The following MLPH variants were observed in gnomAD, a reference collection of about 807,000 sequenced individuals.
MLPH encodes the protein melanophilin.
A neutral mutation model predicts 72.1 loss-of-function variants in MLPH; 51 were observed. The ratio of observed to expected loss-of-function variants is 0.71; its 90% CI spans 0.56 to 0.89. The LOEUF is 0.89. Among genes scored for constraint, MLPH ranks in the 40% least tolerant of loss-of-function variants. The pLI is 0.00. For synonymous variants in MLPH, 301 were observed against 310.1 expected (o/e 0.97, Z 0.31); for missense variants, 743 against 759.9 (o/e 0.98, Z 0.26).
At chr2:237,494,182 G>GT (rs1184990145) in intron 2 of MLPH, among the ~76,000 whole-genome samples, 1 of 152,160 alleles carries the variant, frequency 6.6e-6, no homozygotes, top group African/African-American at 2.4e-5. Context: ...CCCGGCGAAG[G>GT]GGGGGGCAGA....
chr2:237,495,638 G>C (rs2079519664), intron 2 of MLPH, among the ~76,000 whole-genome samples: 1 of 152,142 alleles, frequency 6.6e-6, no homozygotes, highest in South Asian at 2.1e-4. Context: ...GGTGGGGAGG[G>C]GCCGGCGTCA....
In MLPH at chr2:237,519,895, C is replaced by T. The variant is rs755130445; in HGVS notation, c.556-15C>T. The T allele has an allele frequency of 6.8e-6, 11 of 1,613,746 alleles. No individual in the cohort carries two copies. In the South Asian group the frequency reaches 1.1e-4, roughly 16 times the overall value. Reference sequence around the variant, plus strand: ...AGCCCTGACTTGAGTCTTGCCCTGTCTTGTGCCTGCTAAGAAAAAGCGCCT... The same window carrying T: ...AGCCCTGACTTGAGTCTTGCCCTGTTTTGTGCCTGCTAAGAAAAAGCGCCT... On this transcript the variant is annotated splice_polypyrimidine_tract_variant and intron_variant, in intron 5 of 15. Coordinates refer to ENST00000264605, the MANE Select transcript of MLPH (RefSeq NM_024101.7).
At chr2:237,536,070 C>A (rs1446464423) in intron 9 of MLPH, among the ~76,000 whole-genome samples, 2 of 152,206 alleles carry the variant, frequency 1.3e-5, no homozygotes, top group Admixed American at 6.5e-5. Context: ...CCGCAGGACG[C>A]TCCTTGTAGC....
At chr2:237,517,003 GGA>G (rs2080046070) in intron 4 of MLPH, among the ~76,000 whole-genome samples, 1 of 129,662 alleles carries the variant, frequency 7.7e-6, no homozygotes, top group Admixed American at 7.2e-5. Context: ...GTGAGTGGAT[GGA>G]TGGATGGATG....
intron 2 of MLPH, among the ~76,000 whole-genome samples, chr2:237,497,043 T>C (rs1259735820): frequency 6.6e-6 from 1 of 151,992 alleles, no homozygotes. Flanking sequence ...GGGGGCAGGG[T>C]TGGAGATGGT....
chr2:237,495,137 A>ACCCT (rs1164623407), intron 2 of MLPH, among the ~76,000 whole-genome samples: 1 of 151,512 alleles, frequency 6.6e-6, no homozygotes, highest in East Asian at 1.9e-4. Flanking sequence ...CCTCTCTCTC[A>ACCCT]CCCTCCCTCC....
rs564844828 is a variant in MLPH at position 237,504,166 on chromosome 2, C to T, written c.111-6408C>T. 3.3e-5 allele frequency among the ~76,000 whole-genome samples: 5 copies of T among 152,308 alleles called. No individual in the cohort carries two copies. In the South Asian group the frequency reaches 1.0e-3, roughly 32 times the overall value. ...GAATCCTGAGTCAAACTTCTGCCCTCCAGAGCTGTCAGGTAATGCATTTGC... is the reference window on the plus strand; with the variant it reads ...GAATCCTGAGTCAAACTTCTGCCCTTCAGAGCTGTCAGGTAATGCATTTGC... On this transcript the variant is annotated intron_variant, in intron 2 of 15. Transcript: ENST00000264605.
intron 9 of MLPH, 140 bp downstream of exon 9, chr2:237,534,787 A>C: frequency 1.3e-6 from 1 of 741,484 alleles, no homozygotes; most frequent in Non-Finnish European, 2.4e-6. Flanking sequence ...TGTAGTTCTC[A>C]GAGAGCCAGG....
intron 11 of MLPH, among the ~76,000 whole-genome samples, chr2:237,542,007 G>A (rs1038148084): frequency 4.6e-5 from 7 of 152,310 alleles, no homozygotes; most frequent in East Asian, 1.9e-4. Flanking sequence ...GGGATTAGCC[G>A]TGAAACCCCC....
At chr2:237,503,105 C>T (rs755226172) in intron 2 of MLPH, among the ~76,000 whole-genome samples, 6 of 151,978 alleles carry the variant, frequency 3.9e-5, no homozygotes, top group Admixed American at 2.6e-4. Flanking sequence ...GGCAGCAGAG[C>T]GAAATTCCAT....
chr2:237,496,738 A>C (rs1240393110), intron 2 of MLPH, among the ~76,000 whole-genome samples: 4 of 152,160 alleles, frequency 2.6e-5, no homozygotes, highest in African/African-American at 4.8e-5. Context: ...TTAAGTCCCC[A>C]GATGTCTTCC....
chr2:237,531,818 T>C lies in MLPH; in HGVS notation c.1021-2746T>C, dbSNP rs139389049. 3.5e-3 allele frequency among the ~76,000 whole-genome samples: 539 copies of C among 152,172 alleles called. 4 individuals carry two copies. Among genetic ancestry groups the C allele is most frequent in the African/African-American group, 0.012 (484 of 41,538 alleles). On this transcript the variant is annotated intron_variant, in intron 8 of 15. Transcript: ENST00000264605. The stretch of plus-strand genomic sequence containing the variant: ...TGGACTAGTGAAGTTTTCACCTATG[T>C]AGAAATTGTAGCAGGATCACAACCT...
At chr2:237,517,356 T>C (rs2080061010) in intron 4 of MLPH, among the ~76,000 whole-genome samples, 1 of 151,304 alleles carries the variant, frequency 6.6e-6, no homozygotes, top group African/African-American at 2.4e-5. Flanking sequence ...GGCGGATAGA[T>C]AGGTAGGTGG....
intron 15 of MLPH, chr2:237,553,167 A>G: frequency 2.1e-6 from 1 of 478,664 alleles, no homozygotes; most frequent in Non-Finnish European, 4.3e-6. Context: ...GGGAAGTTAC[A>G]AAGTTACACA....
chr2:237,515,630 G>A (rs1230202982), intron 4 of MLPH, among the ~76,000 whole-genome samples: 1 of 152,188 alleles, frequency 6.6e-6, no homozygotes, highest in East Asian at 1.9e-4. Flanking sequence ...AGGTATCAGA[G>A]GTCATAACTG....
intron 5 of MLPH, 149 bp from the exon 6 acceptor site, chr2:237,519,761 G>C (rs2080136820): frequency 8.6e-7 from 1 of 1,166,056 alleles, no homozygotes; most frequent in South Asian, 1.2e-5. Flanking sequence ...GGTCAGGTTT[G>C]TTCCTAGTGG....
intron 2 of MLPH, among the ~76,000 whole-genome samples, chr2:237,508,712 C>A (rs1232260029): frequency 2.0e-5 from 3 of 152,120 alleles, no homozygotes; most frequent in Non-Finnish European, 4.4e-5. Flanking sequence ...TGCCCATTTC[C>A]CCCTCCATTG....
intron 12 of MLPH, chr2:237,545,856 T>TA (rs1211601041): frequency 1.5e-5 from 3 of 204,018 alleles, no homozygotes; most frequent in African/African-American, 7.1e-5. Flanking sequence ...ATTTAGGACT[T>TA]ACACTAAAAA....
At chr2:237,488,715 A>G (rs2079369996) in intron 1 of MLPH, among the ~76,000 whole-genome samples, 1 of 152,174 alleles carries the variant, frequency 6.6e-6, no homozygotes, top group East Asian at 1.9e-4. Flanking sequence ...GTACGACATG[A>G]GTGACTCAGA....
Sources: allele counts gnomAD v4.1 joint callset (sites outside exome capture counted in the v4.1 genomes callset), GRCh38; gene constraint gnomAD v4.1.1; transcripts MANE v1.5; gene names NCBI Gene and HGNC (gene_info 2026-07-23, HGNC 2026-07-21).